Variants in GABARAPL1 observed in about 807,000 individuals in gnomAD.
GABARAPL1 encodes gamma-aminobutyric acid receptor-associated protein-like 1.
In GABARAPL1, 4 loss-of-function variants were observed where a neutral mutation model predicts 14.5. That is an observed-to-expected ratio of 0.28 (90% CI 0.14 to 0.63). The LOEUF (loss-of-function observed/expected upper bound fraction) is 0.63. Ranked by LOEUF, GABARAPL1 falls within the 30% of genes least tolerant of loss-of-function variation. The probability of loss-of-function intolerance (pLI) is 0.84; values close to 1 mark genes in which losing one functional copy is unlikely to be tolerated. For missense variants in GABARAPL1, 82 were observed against 139.2 expected, an observed-to-expected ratio of 0.59 and a Z score of 2.07; for synonymous variants, 47 against 50.6, an observed-to-expected ratio of 0.93 and a Z score of 0.30.
intron 3 of GABARAPL1, chr12:10,220,849 C>G (rs1949117227): frequency 7.1e-7 from 1 of 1,415,276 alleles, no homozygotes; most frequent in East Asian, 2.5e-5. Context: ...GGAAGTGATT[C>G]CTGATAGCAA....
chr12:10,221,182 A>G (rs1949118793), intron 3 of GABARAPL1: 5 of 975,314 alleles, frequency 5.1e-6, no homozygotes, highest in Non-Finnish European at 4.9e-6. Flanking sequence ...TGAATCAGAT[A>G]AAATGAAATA....
intron 2 of GABARAPL1, 129 bp downstream of exon 2, chr12:10,218,270 T>C (rs1949101588): frequency 2.8e-6 from 2 of 701,768 alleles, no homozygotes; most frequent in Admixed American, 4.3e-5. Context: ...GCTCTGGAGT[T>C]ATCTGATTAA....
chr12:10,221,887 C>T lies in GABARAPL1; in HGVS notation c.*35C>T. The T allele has an allele frequency of 6.2e-7, 1 of 1,603,794 alleles. No homozygotes were observed. The highest frequency in any genetic ancestry group is 2.2e-5 in the East Asian group (1 of 44,824). On this transcript the variant is annotated 3_prime_UTR_variant, in exon 4 of 4. Transcript: ENST00000266458. ...AGCCCAGCAGATGGGAGCACCTGGA[C>T]TTGGGGGTAGGGGAGGGGTGTGTGT...
Position 10,222,942 on chromosome 12 carries a change from A to AT in GABARAPL1, c.*1094dup, listed in dbSNP as rs958828710. 9 of 152,446 alleles carry AT rather than the reference A, an allele frequency of 5.9e-5. No individual in the cohort carries two copies. Among genetic ancestry groups the AT allele is most frequent in the African/African-American group, 1.9e-4 (8 of 41,448 alleles). 9.4% of individuals were successfully genotyped at this position (152,446 alleles called of 1,614,324 possible). On this transcript the variant is annotated 3_prime_UTR_variant, in exon 4 of 4. Transcript: ENST00000266458. ...TTATTGATTTATTTTCACTTTTGGG[A>AT]TTTTGTGGGGTGGGAGTGGGGAGCA...
At chr12:10,214,827 GTAT>G (rs1188009434) in intron 1 of GABARAPL1, 1 of 152,136 alleles carries the variant, frequency 6.6e-6, no homozygotes, top group Non-Finnish European at 1.5e-5. Context: ...TAATATAGTT[GTAT>G]TAACCAGAAT....
At chr12:10,219,613 A>T (rs1035735508) in intron 2 of GABARAPL1, among the ~76,000 whole-genome samples, 5 of 152,140 alleles carry the variant, frequency 3.3e-5, no homozygotes, top group African/African-American at 4.8e-5. Flanking sequence ...CAGCCTGGCC[A>T]ACGTGGTGAA....
intron 1 of GABARAPL1, among the ~76,000 whole-genome samples, chr12:10,217,092 T>C (rs912152601): frequency 6.6e-6 from 1 of 152,160 alleles, no homozygotes; most frequent in African/African-American, 2.4e-5. Context: ...TTTTAGTGTA[T>C]AAAAAAATCT....
At position 10,213,049 on chromosome 12, in the gene GABARAPL1, C is replaced by G. The variant is rs1467704695; in HGVS notation, c.-81C>G. On this transcript the variant is annotated 5_prime_UTR_variant, in exon 1 of 4. Coordinates refer to ENST00000266458, the MANE Select transcript of GABARAPL1 (RefSeq NM_031412.4). ...TGCAGCTATTCTGAGCACACCTTGACGTCGGCTGAGGGAGCGGGACAGGGT... is the reference window on the plus strand; with the variant it reads ...TGCAGCTATTCTGAGCACACCTTGAGGTCGGCTGAGGGAGCGGGACAGGGT... 2.4e-5 allele frequency: 20 copies of G among 832,776 alleles called. No individual in the cohort carries two copies. Among genetic ancestry groups the G allele is most frequent in the South Asian group, 4.4e-5 (3 of 67,850 alleles). The allele number at this position is 832,776 out of a possible 1,614,324, so 51.6% of individuals were successfully genotyped here.
At chr12:10,215,383 G>C (rs1307293385) in intron 1 of GABARAPL1, among the ~76,000 whole-genome samples, 1 of 152,060 alleles carries the variant, frequency 6.6e-6, no homozygotes, top group African/African-American at 2.4e-5. Context: ...TATCTTCAAA[G>C]ATACAACATA....
chr12:10,219,594 G>A (rs140506972), intron 2 of GABARAPL1, among the ~76,000 whole-genome samples: 8,887 of 152,196 alleles, frequency 0.058, 323 homozygotes, highest in East Asian at 0.19. Context: ...AAGGTCAGGA[G>A]TTTGAGACCA....
intron 1 of GABARAPL1, 155 bp downstream of exon 1, chr12:10,213,374 T>G (rs746936018): frequency 1.4e-6 from 1 of 701,250 alleles, no homozygotes; most frequent in South Asian, 1.5e-5. Flanking sequence ...CCAGAGCCAA[T>G]GGACGTCCAG....
chr12:10,221,308 G>T (rs1949119315), intron 3 of GABARAPL1: 1 of 974,246 alleles, frequency 1.0e-6, no homozygotes, highest in East Asian at 1.1e-4. Flanking sequence ...AAACTATAGT[G>T]AAGGACTTTA....
chr12:10,216,791 C>A (rs907995650), intron 1 of GABARAPL1, among the ~76,000 whole-genome samples: 1 of 152,084 alleles, frequency 6.6e-6, no homozygotes, highest in African/African-American at 2.4e-5. Flanking sequence ...CCGCCCGCCT[C>A]GACCTCCCAA....
At chr12:10,213,623 G>T (rs911321360) in intron 1 of GABARAPL1, 5 of 346,904 alleles carry the variant, frequency 1.4e-5, no homozygotes, top group Middle Eastern at 2.2e-3. Context: ...GTGCGGTGAG[G>T]TTTGCGCAAA....
At chr12:10,213,987 A>C in intron 1 of GABARAPL1, 1 of 418,062 alleles carries the variant, frequency 2.4e-6, no homozygotes. Flanking sequence ...GAGTAGGAAC[A>C]GAAAAGTATT....
In GABARAPL1 at chr12:10,220,493, G is replaced by A. The variant is rs1462905002; in HGVS notation, c.223G>A (p.Ala75Thr). Reference sequence around the variant, plus strand: ...GAGAATCCACCTGAGACCTGAGGACGCCTTATTCTTCTTTGTCAACAACAC... The same window carrying A: ...GAGAATCCACCTGAGACCTGAGGACACCTTATTCTTCTTTGTCAACAACAC... ...RKRIHLRPEDALFFFVNNTIP... is the reference protein window; with the variant it reads ...RKRIHLRPEDTLFFFVNNTIP... The change falls in exon 3 of 4, where the codon GCC (alanine) becomes ACC (threonine). Residue 75 changes from alanine to threonine, a missense_variant. Physicochemically the swap from Ala to Thr is moderately conservative, Grantham distance 58 (BLOSUM62 0). Coordinates refer to ENST00000266458, the MANE Select transcript of GABARAPL1 (RefSeq NM_031412.4). The A allele has an allele frequency of 9.3e-6, 15 of 1,613,444 alleles. No homozygotes were observed. Among genetic ancestry groups the A allele is most frequent in the African/African-American group, 2.7e-5 (2 of 74,846 alleles).
intron 2 of GABARAPL1, among the ~76,000 whole-genome samples, chr12:10,219,728 G>A (rs1279539918): frequency 6.6e-6 from 1 of 152,182 alleles, no homozygotes; most frequent in Non-Finnish European, 1.5e-5. Context: ...TGAACCTGGG[G>A]AGGTGGAGAT....
intron 1 of GABARAPL1, 104 bp from the exon 2 acceptor site, chr12:10,217,959 A>G: frequency 1.4e-6 from 1 of 735,516 alleles, no homozygotes. Context: ...CTGGGCCTAG[A>G]CAGATTCATT....
intron 2 of GABARAPL1, among the ~76,000 whole-genome samples, chr12:10,218,441 C>G (rs1416457449): frequency 1.3e-5 from 2 of 151,876 alleles, no homozygotes; most frequent in African/African-American, 2.4e-5. Context: ...GGCTTGGTGG[C>G]GGGTGCCTGT....
Sources: allele counts gnomAD v4.1 joint callset (sites outside exome capture counted in the v4.1 genomes callset), GRCh38; gene constraint gnomAD v4.1.1; transcripts MANE v1.5; gene names NCBI Gene and HGNC (gene_info 2026-07-23, HGNC 2026-07-21).